CDK14: variants seen among roughly 807,000 people sequenced by gnomAD.
The protein encoded by CDK14 is cyclin-dependent kinase 14.
CDK14 carries 34 observed loss-of-function variants against 60.7 expected under a neutral mutation model. The observed-to-expected ratio is 0.56, with a 90% confidence interval of 0.43 to 0.75. The LOEUF is 0.75. Among genes scored for constraint, CDK14 ranks in the 30% least tolerant of loss-of-function variants. The probability of loss-of-function intolerance (pLI) is 0.00; values close to 1 mark genes in which losing one functional copy is unlikely to be tolerated. For synonymous variants in CDK14, 197 were observed against 203.7 expected, an observed-to-expected ratio of 0.97 and a Z score of 0.28; for missense variants, 482 against 564.1, an observed-to-expected ratio of 0.85 and a Z score of 1.47.
chr7:91,125,766 G>A (rs1281246116), intron 14 of CDK14, among the ~76,000 whole-genome samples: 1 of 151,980 alleles, frequency 6.6e-6, no homozygotes, highest in Non-Finnish European at 1.5e-5. Context: ...ATCAAATACT[G>A]AACTGTTAAC....
In CDK14 at chr7:90,649,398, T is replaced by TTCCTTCCTTCCTTCCTTCC. The variant is rs1563030139; in HGVS notation, c.123+45150_123+45151insCCTTCCTTCCTTCCTTCCT. ...CCTTCCTTCCTTCCTTCCTTCCTTC[T>TTCCTTCCTTCCTTCCTTCC]TTCTTTCTTTCTTTCTTTCTTTCCT... On this transcript the variant is annotated intron_variant, in intron 2 of 14. Coordinates refer to ENST00000380050, the MANE Select transcript of CDK14 (RefSeq NM_001287135.2). 8.2e-5 allele frequency among the ~76,000 whole-genome samples: 3 copies of TTCCTTCCTTCCTTCCTTCC among 36,368 alleles called. 1 individual carries two copies. The highest frequency in any genetic ancestry group is 2.8e-4 in the African/African-American group (2 of 7,048). 23.9% of individuals were successfully genotyped at this position (36,368 alleles called of 152,430 possible).
Position 90,911,007 on chromosome 7 carries a change from C to T in CDK14, c.703-6594C>T, listed in dbSNP as rs373669523. On this transcript the variant is annotated intron_variant, in intron 7 of 14. Transcript: ENST00000380050. Reference sequence around the variant, plus strand: ...GCCCATGTGTTCTCATCATTTATCTCCCAAGTATAAGTGAGAAGATGTGGT... The same window carrying T: ...GCCCATGTGTTCTCATCATTTATCTTCCAAGTATAAGTGAGAAGATGTGGT... Among the ~76,000 whole-genome samples, 227 of 152,254 alleles carry T rather than the reference C, an allele frequency of 1.5e-3. 9 individuals are homozygous for T. In the South Asian group the frequency reaches 0.046, roughly 31 times the overall value.
Position 91,065,957 on chromosome 7 carries a change from G to A in CDK14, c.1106-13475G>A, listed in dbSNP as rs544711813. 3.9e-5 allele frequency among the ~76,000 whole-genome samples: 6 copies of A among 152,304 alleles called. No individual in the cohort carries two copies. The East Asian group carries it at 1.2e-3, about 29-fold the overall frequency. On this transcript the variant is annotated intron_variant, in intron 11 of 14. Transcript: ENST00000380050. Reference sequence around the variant, plus strand: ...TAATTGTTCATCCTTGTAAGGGACTGGAGCCTTTTGCCTTCATGGAAGCAA... The same window carrying A: ...TAATTGTTCATCCTTGTAAGGGACTAGAGCCTTTTGCCTTCATGGAAGCAA...
intron 9 of CDK14, among the ~76,000 whole-genome samples, chr7:90,960,973 T>TA (rs772040566): frequency 8.5e-5 from 13 of 152,200 alleles, no homozygotes; most frequent in Non-Finnish European, 1.2e-4. Flanking sequence ...TTTAATTACT[T>TA]ACCTATTTTA....
At chr7:90,876,251 T>G (rs1056723086) in intron 6 of CDK14, among the ~76,000 whole-genome samples, 1 of 152,174 alleles carries the variant, frequency 6.6e-6, no homozygotes, top group Non-Finnish European at 1.5e-5. Context: ...ACTTCCAAAC[T>G]CCTGCCTGGC....
In CDK14 at chr7:90,747,825, CTT is replaced by C. The variant is rs143781376; in HGVS notation, c.464+51_464+52del. ...TTCACATGTACAGTGTATCTGCCCTCTTATTACTAAATAGCATTTTATTTAAA... is the reference window on the plus strand; with the variant it reads ...TTCACATGTACAGTGTATCTGCCCTCATTACTAAATAGCATTTTATTTAAA... On this transcript the variant is annotated intron_variant, in intron 4 of 14. Coordinates refer to ENST00000380050, the MANE Select transcript of CDK14 (RefSeq NM_001287135.2). 4.3e-3 allele frequency: 3,435 copies of C among 800,796 alleles called. 75 individuals are homozygous for C. The African/African-American group carries it at 0.052, about 12-fold the overall frequency. The allele number at this position is 800,796 out of a possible 1,614,324, so 49.6% of individuals were successfully genotyped here.
chr7:90,718,909 C>A (rs887420554), intron 2 of CDK14, among the ~76,000 whole-genome samples: 3 of 152,188 alleles, frequency 2.0e-5, no homozygotes, highest in Non-Finnish European at 2.9e-5. Flanking sequence ...TCTTGCACAT[C>A]TATCCTTAAT....
intron 10 of CDK14, among the ~76,000 whole-genome samples, chr7:90,988,753 A>AC (rs1795447050): frequency 6.8e-6 from 1 of 146,526 alleles, no homozygotes; most frequent in Non-Finnish European, 1.5e-5. Context: ...CTCATGGCCC[A>AC]TTGTGTGACA....
rs1202952500 is a variant in CDK14, at chr7:91,111,306, A to G, written c.1155-1236A>G. ...ACTAAAGAATTGGTTGAGGAGGGGAAGGAGGAGATTGTTGGTCATTGAGGA... is the reference window on the plus strand; with the variant it reads ...ACTAAAGAATTGGTTGAGGAGGGGAGGGAGGAGATTGTTGGTCATTGAGGA... On this transcript the variant is annotated intron_variant, in intron 12 of 14. Coordinates refer to ENST00000380050, the MANE Select transcript of CDK14 (RefSeq NM_001287135.2). 4.6e-5 allele frequency among the ~76,000 whole-genome samples: 7 copies of G among 152,198 alleles called. 1 individual carries two copies. The highest frequency in any genetic ancestry group is 3.3e-4 in the Admixed American group (5 of 15,262).
intron 6 of CDK14, among the ~76,000 whole-genome samples, chr7:90,881,787 A>G (rs1666976358): frequency 6.6e-6 from 1 of 152,204 alleles, no homozygotes; most frequent in Non-Finnish European, 1.5e-5. Context: ...AATATTCAAT[A>G]TTCTTAAATG....
At chr7:90,653,775 C>T (rs1050261242) in intron 2 of CDK14, among the ~76,000 whole-genome samples, 6 of 152,058 alleles carry the variant, frequency 3.9e-5, no homozygotes, top group African/African-American at 2.4e-5. Context: ...CCCATTAACT[C>T]GTCATTTACA....
At chr7:90,717,215 A>T (rs569339292) in intron 2 of CDK14, among the ~76,000 whole-genome samples, 2 of 152,098 alleles carry the variant, frequency 1.3e-5, no homozygotes, top group Non-Finnish European at 2.9e-5. Flanking sequence ...AAGTATAGGC[A>T]TCTACCTATA....
chr7:90,606,696 G>T (rs546521833), intron 2 of CDK14, among the ~76,000 whole-genome samples: 6 of 152,286 alleles, frequency 3.9e-5, no homozygotes, highest in African/African-American at 1.4e-4. Context: ...CCGTATGGGG[G>T]TGATTGGATT....
chr7:90,773,870 T>TCCTCC (rs1804893132), intron 4 of CDK14, among the ~76,000 whole-genome samples: 1 of 115,096 alleles, frequency 8.7e-6, no homozygotes, highest in African/African-American at 3.2e-5. Flanking sequence ...TCCTCTCCTC[T>TCCTCC]CCTCTCCTCT....
At chr7:90,742,153 A>C (rs1032946732) in intron 3 of CDK14, among the ~76,000 whole-genome samples, 8 of 152,044 alleles carry the variant, frequency 5.3e-5, no homozygotes, top group African/African-American at 1.9e-4. Context: ...AAAGCATTTT[A>C]TATTTTTATG....
intron 2 of CDK14, chr7:90,716,304 C>T (rs1802247694): frequency 6.6e-6 from 1 of 151,994 alleles, no homozygotes; most frequent in Admixed American, 6.6e-5. Flanking sequence ...TGGTACTCTT[C>T]ACAAATTTAA....
chr7:91,040,210 A>G (rs1797050791), intron 10 of CDK14, among the ~76,000 whole-genome samples: 1 of 152,204 alleles, frequency 6.6e-6, no homozygotes, highest in South Asian at 2.1e-4. Flanking sequence ...TGCAAGCTCC[A>G]GGTGGCTCCT....
At chr7:90,733,851 A>T (rs1306876796) in intron 3 of CDK14, among the ~76,000 whole-genome samples, 1 of 152,210 alleles carries the variant, frequency 6.6e-6, no homozygotes, top group Non-Finnish European at 1.5e-5. Flanking sequence ...TCGTGTTATT[A>T]TGATGCTAGC....
At chr7:91,196,221 G>T (rs967779839) in intron 14 of CDK14, among the ~76,000 whole-genome samples, 1 of 152,134 alleles carries the variant, frequency 6.6e-6, no homozygotes, top group African/African-American at 2.4e-5. Context: ...GAATAGTCCT[G>T]ATTGGTCACG....
Sources: allele counts gnomAD v4.1 joint callset (sites outside exome capture counted in the v4.1 genomes callset), GRCh38; gene constraint gnomAD v4.1.1; transcripts MANE v1.5; gene names NCBI Gene and HGNC (gene_info 2026-07-23, HGNC 2026-07-21).